CAPZB: variants seen among roughly 807,000 people sequenced by gnomAD.
The protein encoded by CAPZB is capping actin protein of muscle Z-line subunit beta.
Under a neutral mutation model 38.1 loss-of-function variants are expected in CAPZB, and 2 were observed. That is an observed-to-expected ratio of 0.05 (90% CI 0.02 to 0.17). The LOEUF (loss-of-function observed/expected upper bound fraction) is 0.17. CAPZB is among the 10% of genes least tolerant of loss of function. The pLI is 1.00. For missense variants in CAPZB, 161 were observed against 334.2 expected (o/e 0.48, Z 4.04); for synonymous variants, 107 against 127.4 (o/e 0.84, Z 1.08).
rs564823590 is a variant in CAPZB at position 19,397,441 on chromosome 1, T to C, written c.94-11815A>G. On this transcript the variant is annotated intron_variant, in intron 2 of 8. Transcript: ENST00000264202. ...AACTTGGCTATGGTCACACAGCAGGTAATTCAATGAAAGCCATGCGATCCC... is the reference window on the plus strand; with the variant it reads ...AACTTGGCTATGGTCACACAGCAGGCAATTCAATGAAAGCCATGCGATCCC... Among the ~76,000 whole-genome samples the C allele has an allele frequency of 4.6e-5, 7 of 152,258 alleles. No homozygotes were observed. The East Asian group carries it at 1.2e-3, about 25-fold the overall frequency.
At chr1:19,344,699 G>A (rs900046166) in intron 7 of CAPZB, among the ~76,000 whole-genome samples, 1 of 152,256 alleles carries the variant, frequency 6.6e-6, no homozygotes, top group Non-Finnish European at 1.5e-5. Context: ...CCTGGGAGCT[G>A]CTCTAAACCA....
chr1:19,410,214 T>C (rs1262370294), intron 2 of CAPZB, among the ~76,000 whole-genome samples: 2 of 152,128 alleles, frequency 1.3e-5, no homozygotes, highest in Non-Finnish European at 1.5e-5. Context: ...TGTACCAAAA[T>C]CAGCCTGTGC....
chr1:19,475,221 T>A (rs1237155498), intron 1 of CAPZB, among the ~76,000 whole-genome samples: 2 of 152,230 alleles, frequency 1.3e-5, no homozygotes, highest in Admixed American at 1.3e-4. Flanking sequence ...TCTACTTTTA[T>A]GCTCACCATT....
At chr1:19,460,841 C>A (rs947260303) in intron 1 of CAPZB, among the ~76,000 whole-genome samples, 11 of 152,058 alleles carry the variant, frequency 7.2e-5, no homozygotes, top group African/African-American at 2.7e-4. Flanking sequence ...CAACACCCAC[C>A]GACACATGAT....
intron 2 of CAPZB, among the ~76,000 whole-genome samples, chr1:19,392,463 C>T (rs1364131027): frequency 6.6e-6 from 1 of 150,674 alleles, no homozygotes; most frequent in Admixed American, 6.6e-5. Context: ...TGAGGCAGCA[C>T]GCAGCACCTC....
At chr1:19,424,729 A>AGT in intron 1 of CAPZB, 1 of 152,428 alleles carries the variant, frequency 6.6e-6, no homozygotes, top group Admixed American at 6.5e-5. Context: ...TTTGGCCCAG[A>AGT]TGAACTCTAA....
intron 1 of CAPZB, among the ~76,000 whole-genome samples, chr1:19,465,018 G>A (rs774088037): frequency 9.9e-5 from 15 of 152,080 alleles, no homozygotes; most frequent in Non-Finnish European, 1.6e-4. Flanking sequence ...CTTAAAGCTG[G>A]TTAATTTTAT....
chr1:19,375,576 C>T (rs1372755233), intron 4 of CAPZB, among the ~76,000 whole-genome samples: 1 of 152,242 alleles, frequency 6.6e-6, no homozygotes, highest in Non-Finnish European at 1.5e-5. Context: ...CAGTTCGACC[C>T]CCAACTGGGG....
At chr1:19,416,043 C>T (rs1257347004) in intron 2 of CAPZB, among the ~76,000 whole-genome samples, 1 of 152,236 alleles carries the variant, frequency 6.6e-6, no homozygotes, top group Non-Finnish European at 1.5e-5. Flanking sequence ...CAGGTGGCCT[C>T]CACACAGCCG....
chr1:19,397,308 T>C (rs1353628744), intron 2 of CAPZB, among the ~76,000 whole-genome samples: 3 of 152,256 alleles, frequency 2.0e-5, no homozygotes, highest in Non-Finnish European at 4.4e-5. Flanking sequence ...AAAAGGCATG[T>C]AACACACATC....
At chr1:19,449,202 T>C in intron 1 of CAPZB, 1 of 1,170,982 alleles carries the variant, frequency 8.5e-7, no homozygotes, top group South Asian at 3.2e-5. Flanking sequence ...GCCTGAAAGG[T>C]CATGCTTCCC....
intron 4 of CAPZB, among the ~76,000 whole-genome samples, chr1:19,363,368 G>A (rs946675341): frequency 6.9e-6 from 1 of 145,480 alleles, no homozygotes; most frequent in Non-Finnish European, 1.5e-5. Flanking sequence ...TTGGGTTTTT[G>A]TCTATCGTCA....
At chr1:19,348,120 A>G (rs1295206047) in intron 6 of CAPZB, among the ~76,000 whole-genome samples, 1 of 152,166 alleles carries the variant, frequency 6.6e-6, no homozygotes, top group Non-Finnish European at 1.5e-5. Flanking sequence ...TTGTGCCCAG[A>G]TAAGGGGCAG....
intron 3 of CAPZB, 120 bp downstream of exon 3, chr1:19,385,385 A>T: frequency 1.8e-6 from 2 of 1,107,206 alleles, no homozygotes; most frequent in Non-Finnish European, 2.7e-6. Flanking sequence ...GAACAAACGG[A>T]AGGAAAGCTG....
Position 19,356,824 on chromosome 1 carries a change from T to C in CAPZB, c.472-73A>G, listed in dbSNP as rs2094023489. 4 of 887,302 alleles carry C rather than the reference T, an allele frequency of 4.5e-6. No homozygotes were observed. The Admixed American group carries it at 5.9e-5, about 13-fold the overall frequency. 55.0% of individuals were successfully genotyped at this position (887,302 alleles called of 1,614,324 possible). ...TGGCCCCTGGAATTCAGGGTCATCC[T>C]AACATCTCCCTTCCTAGGTCATTAT... On this transcript the variant is annotated intron_variant, in intron 5 of 8. Coordinates refer to ENST00000264202, the MANE Select transcript of CAPZB (RefSeq NM_004930.5). The surrounding 1 kb of genome is among the most constrained non-coding windows in gnomAD (Gnocchi z 4.3).
At chr1:19,479,330 C>T (rs912964057) in intron 1 of CAPZB, among the ~76,000 whole-genome samples, 23 of 152,344 alleles carry the variant, frequency 1.5e-4, no homozygotes, top group African/African-American at 5.3e-4. Flanking sequence ...ATGCTGTGTG[C>T]ATCAGGCTGA....
rs372333889 is a variant in CAPZB at position 19,459,590 on chromosome 1, G to A, written c.3+25846C>T. Among the ~76,000 whole-genome samples, 20 of 152,202 alleles carry A rather than the reference G, an allele frequency of 1.3e-4. No homozygotes were observed. The South Asian group carries it at 1.5e-3, about 11-fold the overall frequency. On this transcript the variant is annotated intron_variant, in intron 1 of 8. Coordinates refer to ENST00000264202, the MANE Select transcript of CAPZB (RefSeq NM_004930.5). ...CTGGGAGAAAGAAATGCCAGTACCC[G>A]GACAGCCACTGTGGGCCGGGCACTG...
rs901349381 is a variant in CAPZB, at chr1:19,397,533, TGAAA to T, written c.94-11911_94-11908del. Among the ~76,000 whole-genome samples the T allele has an allele frequency of 3.2e-4, 48 of 152,310 alleles. 1 individual carries two copies. Among genetic ancestry groups the T allele is most frequent in the African/African-American group, 1.1e-3 (46 of 41,578 alleles). On this transcript the variant is annotated intron_variant, in intron 2 of 8. Transcript: ENST00000264202. ...AACCTAGCAGGCAAAATAATTCAGC[TGAAA>T]GAGTCACCAGCTGGATGGTGGCAGA...
intron 1 of CAPZB, among the ~76,000 whole-genome samples, chr1:19,476,665 C>A (rs958789199): frequency 2.0e-5 from 3 of 152,254 alleles, no homozygotes; most frequent in Non-Finnish European, 2.9e-5. Flanking sequence ...GTCCAGTAGG[C>A]CAAGCCACAC....
Sources: gnomAD v4.1 joint callset for allele counts (sites outside exome capture counted in the v4.1 genomes callset) on GRCh38, gnomAD v4.1.1 for gene constraint, Gnocchi (gnomAD v3.1) non-coding constraint, MANE v1.5 for transcripts, NCBI Gene and HGNC (gene_info 2026-07-23, HGNC 2026-07-21) for gene names.